CBLB: variants seen among roughly 807,000 people sequenced by gnomAD.
The protein encoded by CBLB is Cbl proto-oncogene B.
Under a neutral mutation model 104.9 loss-of-function variants are expected in CBLB, and 31 were observed. That is an observed-to-expected ratio of 0.30 (90% CI 0.22 to 0.40). The LOEUF (loss-of-function observed/expected upper bound fraction) is 0.40. Among genes scored for constraint, CBLB ranks in the 10% least tolerant of loss-of-function variants. The pLI is 1.00. For missense variants in CBLB, 1,062 were observed against 1,214.6 expected (o/e 0.87, Z 1.87); for synonymous variants, 440 against 422.6 (o/e 1.04, Z -0.51).
chr3:105,807,814 T>C (rs757418978), intron 3 of CBLB, among the ~76,000 whole-genome samples: 22 of 152,190 alleles, frequency 1.4e-4, no homozygotes, highest in Admixed American at 2.6e-4. Flanking sequence ...GAAAGGACCT[T>C]AGACATACTG....
chr3:105,705,379 C>G (rs930187383), intron 10 of CBLB, among the ~76,000 whole-genome samples: 39 of 152,098 alleles, frequency 2.6e-4, no homozygotes, highest in Non-Finnish European at 1.6e-4. Context: ...TACCCAATGT[C>G]CTTTTTCTTC....
At chr3:105,868,392 G>A in intron 1 of CBLB, 1 of 417,502 alleles carries the variant, frequency 2.4e-6, no homozygotes, top group African/African-American at 2.0e-5. Flanking sequence ...TCGGGTCTGA[G>A]CTGCAGGAGG....
In CBLB at chr3:105,851,514, A is replaced by C. The variant is rs73855350; in HGVS notation, c.419+1900T>G. 6.5e-3 allele frequency among the ~76,000 whole-genome samples: 985 copies of C among 152,310 alleles called. 12 individuals are homozygous for C. The highest frequency in any genetic ancestry group is 0.023 in the African/African-American group (944 of 41,548). ...CAGCACAACACAAAAAGTGGACCCT[A>C]ATGTAAACTCTAGGCTTTAGTTAAT... On this transcript the variant is annotated intron_variant, in intron 3 of 18. Transcript: ENST00000394030.
In CBLB at chr3:105,685,324, C is replaced by T. The variant is rs535043797; in HGVS notation, c.2197G>A (p.Val733Ile). The T allele has an allele frequency of 1.9e-6, 3 of 1,613,706 alleles. No individual in the cohort carries two copies. The highest frequency in any genetic ancestry group is 1.7e-5 in the Admixed American group (1 of 60,022). The change falls in exon 14 of 19, where the codon GTT becomes ATT. Residue 733 changes from valine to isoleucine, a missense_variant. Physicochemically the swap from Val to Ile is conservative, Grantham distance 29. Coordinates refer to ENST00000394030, the MANE Select transcript of CBLB (RefSeq NM_170662.5). Reference sequence around the variant, plus strand: ...AAAATCTGCCCATACTCTTACCGAACAGGAGGTTTTACATTATGACAATGA... The same window carrying T: ...AAAATCTGCCCATACTCTTACCGAATAGGAGGTTTTACATTATGACAATGA... ...PSHCHNVKPP[V>I]RSCDNGHCML...
At chr3:105,741,808 C>T (rs763124262) in intron 6 of CBLB, among the ~76,000 whole-genome samples, 1 of 152,178 alleles carries the variant, frequency 6.6e-6, no homozygotes, top group South Asian at 2.1e-4. Context: ...CGTGAGCCAC[C>T]GCACCCGGCC....
chr3:105,843,120 C>T (rs1027241988), intron 3 of CBLB, among the ~76,000 whole-genome samples: 6 of 152,178 alleles, frequency 3.9e-5, no homozygotes, highest in African/African-American at 1.4e-4. Context: ...TGACTAATTG[C>T]CAGAGACCAT....
At chr3:105,682,150 A>C (rs2066395691) in intron 14 of CBLB, 1 of 259,340 alleles carries the variant, frequency 3.9e-6, no homozygotes. Flanking sequence ...TTGAAGTAAA[A>C]AAAGATGTAT....
At chr3:105,796,982 G>A (rs2082320386) in intron 3 of CBLB, among the ~76,000 whole-genome samples, 1 of 152,188 alleles carries the variant, frequency 6.6e-6, no homozygotes, top group African/African-American at 2.4e-5. Context: ...CTTATACACT[G>A]CTGGTAGGAG....
intron 3 of CBLB, among the ~76,000 whole-genome samples, chr3:105,851,546 G>A (rs1427887975): frequency 6.6e-6 from 1 of 152,204 alleles, no homozygotes; most frequent in Admixed American, 6.5e-5. Context: ...TAATAATAAT[G>A]TATCAACAAT....
At position 105,656,133 on chromosome 3, in the gene CBLB, A is replaced by C. The variant is rs532201127; in HGVS notation, c.*2837T>G. 9.0e-6 allele frequency: 2 copies of C among 221,032 alleles called. No homozygotes were observed. Among genetic ancestry groups the C allele is most frequent in the African/African-American group, 4.5e-5 (2 of 44,750 alleles). The allele number at this position is 221,032 out of a possible 1,614,324, so 13.7% of individuals were successfully genotyped here. On this transcript the variant is annotated 3_prime_UTR_variant, in exon 19 of 19. Coordinates refer to ENST00000394030, the MANE Select transcript of CBLB (RefSeq NM_170662.5). ...AGATATATCATACATTAGGGGATAA[A>C]ACAGATTATGGAGATAAATTTACTG...
At chr3:105,802,115 A>ATTTCTT (rs1560306328) in intron 3 of CBLB, among the ~76,000 whole-genome samples, 2 of 152,154 alleles carry the variant, frequency 1.3e-5, no homozygotes, top group Non-Finnish European at 2.9e-5. Flanking sequence ...AATCTGAAAT[A>ATTTCTT]CCCCAGGGAG....
At chr3:105,829,666 C>CAAAAAA (rs71627689) in intron 3 of CBLB, among the ~76,000 whole-genome samples, 3 of 47,022 alleles carry the variant, frequency 6.4e-5, no homozygotes, top group Non-Finnish European at 1.2e-4. Flanking sequence ...AAGACCGTCC[C>CAAAAAA]AAAAAAAAAA....
chr3:105,856,644 A>G (rs1577923542), intron 2 of CBLB, among the ~76,000 whole-genome samples: 1 of 152,258 alleles, frequency 6.6e-6, no homozygotes, highest in East Asian at 1.9e-4. Context: ...TTACAATTGA[A>G]CTCTAAAGTA....
At chr3:105,663,032 A>C (rs1186755845) in intron 18 of CBLB, among the ~76,000 whole-genome samples, 1 of 152,174 alleles carries the variant, frequency 6.6e-6, no homozygotes, top group Non-Finnish European at 1.5e-5. Flanking sequence ...TACTACTGTT[A>C]CTACCTGAGA....
intron 1 of CBLB, 41 bp from the exon 2 acceptor site, chr3:105,867,632 T>G: frequency 6.4e-7 from 1 of 1,573,132 alleles, no homozygotes; most frequent in Non-Finnish European, 8.7e-7. Context: ...TTAGTTGGTT[T>G]TGAAAATATT....
intron 6 of CBLB, among the ~76,000 whole-genome samples, chr3:105,744,674 G>C (rs552381329): frequency 2.6e-5 from 4 of 152,110 alleles, no homozygotes; most frequent in African/African-American, 9.7e-5. Context: ...GCTCACGCCT[G>C]TAATCCCAGC....
At chr3:105,670,533 C>T (rs890627138) in intron 17 of CBLB, 181 bp from the exon 18 acceptor site, 2 of 582,568 alleles carry the variant, frequency 3.4e-6, no homozygotes, top group African/African-American at 3.7e-5. Context: ...TCATCACTTG[C>T]TTAAATATGC....
chr3:105,823,082 TAA>T (rs1326914483), intron 3 of CBLB, among the ~76,000 whole-genome samples: 1 of 152,198 alleles, frequency 6.6e-6, no homozygotes, highest in Non-Finnish European at 1.5e-5. Context: ...TTGAATTTGA[TAA>T]GTTAAATGAC....
chr3:105,854,956 T>C (rs1035771475), intron 2 of CBLB, among the ~76,000 whole-genome samples: 1 of 152,174 alleles, frequency 6.6e-6, no homozygotes, highest in Non-Finnish European at 1.5e-5. Flanking sequence ...TTAAACATAA[T>C]TGGCTAAAGC....
Sources: allele counts gnomAD v4.1 joint callset (sites outside exome capture counted in the v4.1 genomes callset), GRCh38; gene constraint gnomAD v4.1.1; transcripts MANE v1.5; gene names NCBI Gene and HGNC (gene_info 2026-07-23, HGNC 2026-07-21).